The following TMEM267 variants were observed in gnomAD, a reference collection of about 807,000 sequenced individuals.
TMEM267 encodes the protein transmembrane protein 267, also known as transmembrane protein C5orf28.
In TMEM267, 20 loss-of-function variants were observed where a neutral mutation model predicts 19.3. The ratio of observed to expected loss-of-function variants is 1.04; its 90% CI spans 0.73 to 1.51. The LOEUF is 1.51. Ranked by LOEUF, TMEM267 falls within the 40% of genes most tolerant of loss-of-function variation. The pLI is 0.00. For missense variants in TMEM267, 242 were observed against 261.9 expected (o/e 0.92, Z 0.52); for synonymous variants, 88 against 90.3 (o/e 0.97, Z 0.15).
In TMEM267 at chr5:43,445,781, G is replaced by A. The variant is rs1238221859; in HGVS notation, c.*441C>T. 1 of 152,382 alleles carries A rather than the reference G, an allele frequency of 6.6e-6. No individual in the cohort carries two copies. The highest frequency in any genetic ancestry group is 1.5e-5 in the Non-Finnish European group (1 of 68,360). 9.4% of individuals were successfully genotyped at this position (152,382 alleles called of 1,614,324 possible). Reference sequence around the variant, plus strand: ...GTTAAATGATTCATATCATTTATTTGGTGATTTCACTATTTCAATATCTCA... The same window carrying A: ...GTTAAATGATTCATATCATTTATTTAGTGATTTCACTATTTCAATATCTCA... On this transcript the variant is annotated 3_prime_UTR_variant, in exon 3 of 3. Coordinates refer to ENST00000397080, the MANE Select transcript of TMEM267 (RefSeq NM_022483.5).
chr5:43,463,708 T>A (rs182841087), intron 1 of TMEM267, among the ~76,000 whole-genome samples: 4 of 152,238 alleles, frequency 2.6e-5, no homozygotes, highest in Admixed American at 6.5e-5. Context: ...AAAAACCACA[T>A]GATTATCTCA....
At chr5:43,480,307 T>C (rs993702934) in intron 1 of TMEM267, among the ~76,000 whole-genome samples, 6 of 152,076 alleles carry the variant, frequency 3.9e-5, no homozygotes, top group African/African-American at 1.4e-4. Context: ...TTATATATTA[T>C]CACAAATTTT....
intron 1 of TMEM267, among the ~76,000 whole-genome samples, chr5:43,467,701 T>G (rs1579815483): frequency 6.6e-6 from 1 of 152,096 alleles, no homozygotes; most frequent in East Asian, 1.9e-4. Context: ...CAAAGAAACA[T>G]CAGACTGTGA....
At chr5:43,466,600 TAGAA>T (rs1489658155) in intron 1 of TMEM267, among the ~76,000 whole-genome samples, 4 of 152,088 alleles carry the variant, frequency 2.6e-5, no homozygotes, top group African/African-American at 7.2e-5. Flanking sequence ...CACAAAAAAA[TAGAA>T]AGTGAAAAAG....
intron 2 of TMEM267, among the ~76,000 whole-genome samples, chr5:43,449,995 T>G (rs1426696881): frequency 6.6e-6 from 1 of 152,092 alleles, no homozygotes; most frequent in African/African-American, 2.4e-5. Flanking sequence ...GCGTTTTTTT[T>G]TTTGTTTTTT....
At chr5:43,464,947 T>C (rs536414186) in intron 1 of TMEM267, among the ~76,000 whole-genome samples, 128 of 152,226 alleles carry the variant, frequency 8.4e-4, no homozygotes, top group African/African-American at 2.9e-3. Flanking sequence ...AAAGCCAAAA[T>C]TGACAAATGG....
chr5:43,477,180 A>G (rs1744477403), intron 1 of TMEM267, among the ~76,000 whole-genome samples: 1 of 152,156 alleles, frequency 6.6e-6, no homozygotes, highest in Admixed American at 6.5e-5. Context: ...TGACAGGGTA[A>G]GACCCTGTCT....
chr5:43,446,098 T>C lies in TMEM267; in HGVS notation c.*124A>G. 1 of 602,380 alleles carries C rather than the reference T, an allele frequency of 1.7e-6. No homozygotes were observed. The highest frequency in any genetic ancestry group is 2.8e-6 in the Non-Finnish European group (1 of 356,020). 37.3% of individuals were successfully genotyped at this position (602,380 alleles called of 1,614,324 possible). ...TGTATACACTTCCTGAGCAAGAGGA[T>C]TGCAGAATTATAATAACTAAATAAT... is the stretch of plus-strand genomic sequence containing the variant. On this transcript the variant is annotated 3_prime_UTR_variant, in exon 3 of 3. Coordinates refer to ENST00000397080, the MANE Select transcript of TMEM267 (RefSeq NM_022483.5).
intron 1 of TMEM267, among the ~76,000 whole-genome samples, chr5:43,468,782 T>C (rs976735953): frequency 6.6e-6 from 1 of 152,204 alleles, no homozygotes. Context: ...AGAATATACA[T>C]TCTTTTCCTC....
chr5:43,468,677 C>A, intron 1 of TMEM267, among the ~76,000 whole-genome samples: 1 of 152,166 alleles, frequency 6.6e-6, no homozygotes, highest in East Asian at 1.9e-4. Context: ...TTAACTGAAA[C>A]CTGTCTCAAA....
intron 1 of TMEM267, among the ~76,000 whole-genome samples, chr5:43,471,245 T>A (rs1228937445): frequency 6.6e-6 from 1 of 151,920 alleles, no homozygotes; most frequent in South Asian, 2.1e-4. Context: ...AAGTGAAAGA[T>A]TTCTATAATG....
chr5:43,461,830 T>TA (rs1271551497), intron 1 of TMEM267, among the ~76,000 whole-genome samples: 2 of 152,122 alleles, frequency 1.3e-5, no homozygotes, highest in African/African-American at 4.8e-5. Flanking sequence ...TCCCAGATGG[T>TA]ACCTCTAGAC....
intron 1 of TMEM267, among the ~76,000 whole-genome samples, chr5:43,482,573 T>C (rs1744851513): frequency 6.6e-6 from 1 of 152,240 alleles, no homozygotes; most frequent in Non-Finnish European, 1.5e-5. Context: ...CTCAAGGTAT[T>C]TAATAAATAT....
In TMEM267 at chr5:43,446,238, A is replaced by G. The variant is rs1742227221; in HGVS notation, c.632T>C (p.Val211Ala). The change falls in exon 3 of 3, where the codon GTT (valine) becomes GCT (alanine). Residue 211 changes from valine to alanine, a missense_variant. Coordinates refer to ENST00000397080, the MANE Select transcript of TMEM267 (RefSeq NM_022483.5). Reference sequence around the variant, plus strand: ...CCGTGTACCTCAGACATCAATACGAACTCCATGTTTTGAAGACATCATTTG... The same window carrying G: ...CCGTGTACCTCAGACATCAATACGAGCTCCATGTTTTGAAGACATCATTTG... ...TRQMMSSKHG[V>A]RIDV is the part of the protein sequence containing the mutation. The G allele has an allele frequency of 6.2e-7, 1 of 1,610,118 alleles. No homozygotes were observed. Among genetic ancestry groups the G allele is most frequent in the African/African-American group, 1.3e-5 (1 of 74,836 alleles).
chr5:43,454,738 T>A (rs1202496979), intron 1 of TMEM267: 1 of 152,218 alleles, frequency 6.6e-6, no homozygotes, highest in Admixed American at 6.5e-5. Context: ...TCCACTTCAA[T>A]GAGCTACCCC....
chr5:43,459,909 A>G (rs1280837728), intron 1 of TMEM267, among the ~76,000 whole-genome samples: 3 of 152,156 alleles, frequency 2.0e-5, no homozygotes, highest in Non-Finnish European at 4.4e-5. Context: ...TGTGTACTTT[A>G]TTTCTATTAT....
chr5:43,466,848 A>G (rs920340637), intron 1 of TMEM267, among the ~76,000 whole-genome samples: 1 of 152,094 alleles, frequency 6.6e-6, no homozygotes, highest in Non-Finnish European at 1.5e-5. Context: ...GAAGACAGGA[A>G]GGAAAGAAAG....
chr5:43,466,741 C>T (rs1462793060), intron 1 of TMEM267, among the ~76,000 whole-genome samples: 1 of 151,884 alleles, frequency 6.6e-6, no homozygotes, highest in Non-Finnish European at 1.5e-5. Flanking sequence ...CTACAAACCT[C>T]ATAATAACCT....
At chr5:43,483,391 C>G (rs1270306610) in intron 1 of TMEM267, among the ~76,000 whole-genome samples, 1 of 152,210 alleles carries the variant, frequency 6.6e-6, no homozygotes, top group Non-Finnish European at 1.5e-5. Flanking sequence ...CCATGTCACA[C>G]TCTCAGCATT....
Sources: gnomAD v4.1 joint callset for allele counts (sites outside exome capture counted in the v4.1 genomes callset) on GRCh38, gnomAD v4.1.1 for gene constraint, MANE v1.5 for transcripts, NCBI Gene and HGNC (gene_info 2026-07-23, HGNC 2026-07-21) for gene names.